UBE2W: variants seen among roughly 807,000 people sequenced by gnomAD.
UBE2W encodes ubiquitin conjugating enzyme E2 W.
A neutral mutation model predicts 27.2 loss-of-function variants in UBE2W; 18 were observed. The observed-to-expected ratio is 0.66, with a 90% CI of 0.46 to 0.98. The LOEUF (loss-of-function observed/expected upper bound fraction) is 0.98. Ranked by LOEUF, UBE2W falls within the 50% of genes least tolerant of loss-of-function variation. The probability of loss-of-function intolerance (pLI) is 0.00; values close to 1 mark genes in which losing one functional copy is unlikely to be tolerated. For synonymous variants in UBE2W, 53 were observed against 57.2 expected (o/e 0.93, Z 0.33); for missense variants, 90 against 180.2 (o/e 0.50, Z 2.87).
chr8:73,832,946 T>C (rs1810140995), intron 1 of UBE2W, among the ~76,000 whole-genome samples: 1 of 152,026 alleles, frequency 6.6e-6, no homozygotes, highest in African/African-American at 2.4e-5. Context: ...TCCCAGCACT[T>C]TGGGAGGCCA....
At chr8:73,825,297 G>GT (rs757681260) in intron 2 of UBE2W, 48 bp from the exon 3 acceptor site, 2 of 1,371,530 alleles carry the variant, frequency 1.5e-6, no homozygotes, top group Non-Finnish European at 2.0e-6. Flanking sequence ...AGAGACTGGG[G>GT]TAAGGAGGAG....
At chr8:73,836,013 T>C (rs1810296305) in intron 1 of UBE2W, among the ~76,000 whole-genome samples, 1 of 152,200 alleles carries the variant, frequency 6.6e-6, no homozygotes, top group Non-Finnish European at 1.5e-5. Context: ...CAAACAACTA[T>C]GCCTCTGATT....
At chr8:73,811,657 A>G (rs911284884) in intron 3 of UBE2W, among the ~76,000 whole-genome samples, 1 of 152,190 alleles carries the variant, frequency 6.6e-6, no homozygotes, top group African/African-American at 2.4e-5. Flanking sequence ...TTTAGTAAGT[A>G]TAATTAGATT....
intron 5 of UBE2W, among the ~76,000 whole-genome samples, chr8:73,794,852 C>T (rs975193215): frequency 2.2e-5 from 2 of 88,928 alleles, no homozygotes; most frequent in African/African-American, 8.6e-5. Context: ...GGCTCTGTCT[C>T]ATAAAAAAAA....
chr8:73,786,831 AT>A lies in UBE2W; in HGVS notation c.*7270del. On this transcript the variant is annotated 3_prime_UTR_variant, in exon 6 of 6. Transcript: ENST00000602593. ...AAATGCAAGGAGAGGACTACTGAGT[AT>A]CATTGCTTGATTAAGTTGGATGGGA... 1 of 985,448 alleles carries A rather than the reference AT, an allele frequency of 1.0e-6. No homozygotes were observed. Among genetic ancestry groups the A allele is most frequent in the Non-Finnish European group, 1.2e-6 (1 of 829,928 alleles). The allele number at this position is 985,448 out of a possible 1,614,324, so 61.0% of individuals were successfully genotyped here. A position where few individuals can be genotyped will look rare whatever the true frequency, so the allele number is the denominator to read the frequency against.
At chr8:73,878,088 G>C (rs1812311202) in intron 1 of UBE2W, among the ~76,000 whole-genome samples, 1 of 152,220 alleles carries the variant, frequency 6.6e-6, no homozygotes, top group African/African-American at 2.4e-5. Context: ...ATCCCGAGAG[G>C]TTTAAGGGGG....
chr8:73,867,427 C>G (rs907730720), intron 1 of UBE2W, among the ~76,000 whole-genome samples: 1 of 152,020 alleles, frequency 6.6e-6, no homozygotes, highest in African/African-American at 2.4e-5. Context: ...CCCAGCTACT[C>G]GGGAGGCTGA....
chr8:73,835,669 G>A (rs1810281205), intron 1 of UBE2W, among the ~76,000 whole-genome samples: 1 of 152,106 alleles, frequency 6.6e-6, no homozygotes, highest in Non-Finnish European at 1.5e-5. Flanking sequence ...GCTTGTACCC[G>A]GGAGGCAGAG....
chr8:73,877,274 C>T (rs895461730), intron 1 of UBE2W, among the ~76,000 whole-genome samples: 1 of 152,112 alleles, frequency 6.6e-6, no homozygotes, highest in Non-Finnish European at 1.5e-5. Context: ...CCTTTTTTGG[C>T]CTCAAATGAC....
chr8:73,829,580 T>C (rs1809989111), intron 2 of UBE2W, among the ~76,000 whole-genome samples: 1 of 152,108 alleles, frequency 6.6e-6, no homozygotes, highest in African/African-American at 2.4e-5. Flanking sequence ...ATTACATTTT[T>C]TTTTTTTTCC....
intron 1 of UBE2W, among the ~76,000 whole-genome samples, chr8:73,842,177 C>A (rs1302713740): frequency 1.3e-5 from 2 of 151,992 alleles, no homozygotes; most frequent in African/African-American, 2.4e-5. Flanking sequence ...AATATATATC[C>A]ATCAATAGGT....
At chr8:73,858,310 G>A (rs943314350) in intron 1 of UBE2W, among the ~76,000 whole-genome samples, 28 of 145,682 alleles carry the variant, frequency 1.9e-4, no homozygotes, top group African/African-American at 6.9e-4. Flanking sequence ...GCAGTGAGCC[G>A]AGATTATGTC....
At chr8:73,814,762 C>T (rs543654711) in intron 3 of UBE2W, among the ~76,000 whole-genome samples, 67 of 152,308 alleles carry the variant, frequency 4.4e-4, no homozygotes, top group Non-Finnish European at 8.4e-4. Context: ...CCTTGTGATC[C>T]GCCCGCCTCG....
intron 1 of UBE2W, among the ~76,000 whole-genome samples, chr8:73,866,594 T>C (rs1375789803): frequency 6.6e-6 from 1 of 151,960 alleles, no homozygotes; most frequent in Non-Finnish European, 1.5e-5. Flanking sequence ...AATTATTATA[T>C]TTTTGGAAAA....
intron 3 of UBE2W, among the ~76,000 whole-genome samples, chr8:73,810,830 G>A (rs1475536599): frequency 2.6e-5 from 4 of 152,164 alleles, no homozygotes; most frequent in Non-Finnish European, 5.9e-5. Flanking sequence ...TAACCACATA[G>A]TAGGGAAAAG....
intron 1 of UBE2W, among the ~76,000 whole-genome samples, chr8:73,872,291 C>A (rs1483261140): frequency 6.6e-6 from 1 of 152,112 alleles, no homozygotes; most frequent in African/African-American, 2.4e-5. Context: ...AAAAAGCATT[C>A]CTAAATAGCT....
intron 1 of UBE2W, among the ~76,000 whole-genome samples, chr8:73,839,668 C>CA (rs1810457111): frequency 6.7e-6 from 1 of 148,698 alleles, no homozygotes; most frequent in Admixed American, 6.7e-5. Flanking sequence ...AAAAAAAACA[C>CA]AAAAAACCCA....
intron 1 of UBE2W, among the ~76,000 whole-genome samples, chr8:73,835,541 G>C (rs566162125): frequency 1.3e-5 from 2 of 152,100 alleles, no homozygotes; most frequent in African/African-American, 2.4e-5. Flanking sequence ...TCAGGAATTC[G>C]GGACCAGCCT....
At chr8:73,818,489 CT>C (rs1466763255) in intron 3 of UBE2W, among the ~76,000 whole-genome samples, 4 of 152,220 alleles carry the variant, frequency 2.6e-5, no homozygotes, top group African/African-American at 9.6e-5. Flanking sequence ...CTTCCAAAGG[CT>C]TCCCCATCTC....
Sources: allele counts gnomAD v4.1 joint callset (sites outside exome capture counted in the v4.1 genomes callset), GRCh38; gene constraint gnomAD v4.1.1; transcripts MANE v1.5; gene names NCBI Gene and HGNC (gene_info 2026-07-23, HGNC 2026-07-21).